ULK4: variants seen among roughly 807,000 people sequenced by gnomAD.
ULK4 encodes the protein inactive serine/threonine-protein kinase ULK4.
ULK4 carries 133 observed loss-of-function variants against 160.6 expected under a neutral mutation model. That is an observed-to-expected ratio of 0.83 (90% CI 0.72 to 0.96). The LOEUF (loss-of-function observed/expected upper bound fraction) is 0.96, where lower values mean the gene tolerates loss of function less well. ULK4 is among the 40% of genes least tolerant of loss of function. ULK4 has a pLI of 0.00. For missense variants in ULK4, 1,580 were observed against 1,499.5 expected (o/e 1.05, Z -0.89); for synonymous variants, 534 against 539.8 (o/e 0.99, Z 0.15).
intron 11 of ULK4, 102 bp from the exon 12 acceptor site, chr3:41,908,043 TG>T: frequency 2.9e-6 from 2 of 686,672 alleles, no homozygotes; most frequent in Non-Finnish European, 4.4e-6. Flanking sequence ...TGGTAGAGTA[TG>T]ATGATTCCAT....
Position 41,615,673 on chromosome 3 carries a change from G to A in ULK4, c.3116C>T (p.Thr1039Ile). ...AATGCACATTTCCGTTCTTACCAGA[G>A]TTACTTCAAAAATGAGTGGGATCAG... ...SKLIPLIFEV[T>I]LEHQESILGN... is the part of the protein sequence containing the mutation. Residue 1039 changes from threonine to isoleucine, a missense_variant, in exon 31 of 37, where the codon ACT becomes ATT. By Grantham distance (89) the Thr-to-Ile change is moderately conservative (BLOSUM62 -1). Transcript: ENST00000301831. The A allele has an allele frequency of 1.9e-6, 3 of 1,612,830 alleles. No individual in the cohort carries two copies. The highest frequency in any genetic ancestry group is 2.5e-6 in the Non-Finnish European group (3 of 1,179,500).
chr3:41,617,104 GGGGCTTA>G (rs1232772298), intron 30 of ULK4, among the ~76,000 whole-genome samples: 2 of 152,220 alleles, frequency 1.3e-5, no homozygotes, highest in Admixed American at 1.3e-4. Context: ...GCCCAAGTCA[GGGGCTTA>G]CAGACAAAAC....
intron 30 of ULK4, among the ~76,000 whole-genome samples, chr3:41,626,584 G>C (rs1375542901): frequency 6.7e-6 from 1 of 149,080 alleles, no homozygotes; most frequent in Non-Finnish European, 1.5e-5. Context: ...GGAGTGCAGT[G>C]GTGCAATCTC....
chr3:41,881,804 G>A (rs1328327220), intron 17 of ULK4, among the ~76,000 whole-genome samples: 2 of 152,086 alleles, frequency 1.3e-5, no homozygotes, highest in South Asian at 2.1e-4. Flanking sequence ...CAAGAACCTC[G>A]GGAATTAACA....
At chr3:41,770,634 C>T (rs1168040650) in intron 21 of ULK4, among the ~76,000 whole-genome samples, 2 of 151,970 alleles carry the variant, frequency 1.3e-5, no homozygotes, top group East Asian at 1.9e-4. Context: ...CCTCACCCTC[C>T]CAAGTAGCTG....
At chr3:41,680,215 T>C (rs779423550) in intron 29 of ULK4, among the ~76,000 whole-genome samples, 25 of 152,200 alleles carry the variant, frequency 1.6e-4, no homozygotes, top group Non-Finnish European at 3.7e-4. Flanking sequence ...ATATAACAAA[T>C]GTAACTGAAA....
chr3:41,393,527 C>A (rs980329428), intron 35 of ULK4, among the ~76,000 whole-genome samples: 5 of 152,162 alleles, frequency 3.3e-5, no homozygotes, highest in Non-Finnish European at 5.9e-5. Context: ...GTCTTGCCAA[C>A]TTCCTCCCCA....
chr3:41,616,278 C>A lies in ULK4; in HGVS notation c.3072-561G>T, dbSNP rs147885406. Among the ~76,000 whole-genome samples the A allele has an allele frequency of 3.0e-4, 45 of 152,184 alleles. 1 individual carries two copies. In the East Asian group the frequency reaches 7.9e-3, roughly 27 times the overall value. ...AATTTTTTCATAAAAGAGAAAACAGCCTTGGTAAAACCTAAATCATTCAAA... is the reference window on the plus strand; with the variant it reads ...AATTTTTTCATAAAAGAGAAAACAGACTTGGTAAAACCTAAATCATTCAAA... On this transcript the variant is annotated intron_variant, in intron 30 of 36. Transcript: ENST00000301831.
intron 35 of ULK4, among the ~76,000 whole-genome samples, chr3:41,346,081 C>T (rs772077306): frequency 9.9e-5 from 15 of 152,046 alleles, no homozygotes; most frequent in Non-Finnish European, 1.8e-4. Flanking sequence ...AGAGAGATAA[C>T]GCAGAAGTCA....
At chr3:41,538,479 C>T (rs1465074728) in intron 32 of ULK4, among the ~76,000 whole-genome samples, 1 of 152,112 alleles carries the variant, frequency 6.6e-6, no homozygotes, top group Non-Finnish European at 1.5e-5. Flanking sequence ...CATGACTTTT[C>T]TCTGCTTCTT....
At chr3:41,581,138 GA>G (rs200891995) in intron 31 of ULK4, among the ~76,000 whole-genome samples, 4 of 150,890 alleles carry the variant, frequency 2.7e-5, no homozygotes, top group Non-Finnish European at 5.9e-5. Flanking sequence ...CATATAGCAA[GA>G]AAAAAAAATC....
chr3:41,415,074 C>T (rs914677558), intron 34 of ULK4, among the ~76,000 whole-genome samples: 4 of 152,324 alleles, frequency 2.6e-5, no homozygotes, highest in Non-Finnish European at 4.4e-5. Flanking sequence ...ATTAACTTTC[C>T]TAAGGCTCTT....
chr3:41,618,692 G>A (rs1044673729), intron 30 of ULK4, among the ~76,000 whole-genome samples: 3 of 152,108 alleles, frequency 2.0e-5, no homozygotes, highest in African/African-American at 7.2e-5. Context: ...AAAGACCAAT[G>A]ACACTATGAA....
intron 17 of ULK4, among the ~76,000 whole-genome samples, chr3:41,875,578 G>A (rs531372525): frequency 6.6e-6 from 1 of 152,106 alleles, no homozygotes; most frequent in Non-Finnish European, 1.5e-5. Context: ...CTATGATTGT[G>A]CCACTGTAGT....
At chr3:41,557,534 G>A (rs1467537533) in intron 32 of ULK4, among the ~76,000 whole-genome samples, 1 of 151,876 alleles carries the variant, frequency 6.6e-6, no homozygotes, top group Non-Finnish European at 1.5e-5. Context: ...GGAAGTCCGA[G>A]GTGGAAAGAT....
chr3:41,900,736 C>G lies in ULK4; in HGVS notation c.1276G>C (p.Asp426His), dbSNP rs1461023306. Residue 426 changes from aspartate to histidine, a missense_variant, in exon 13 of 37, where the codon GAC (aspartate) becomes CAC (histidine). By Grantham distance (81) the Asp-to-His change is moderately conservative. Transcript: ENST00000301831. ...GTGTCTTTCTGCACCTTTGGATTGT[C>G]GATAATGGGGGTGACAACAAGATCT... Reference protein sequence around the residue: ...DSDLVVTPIIDNPKIMKQPPV... With the variant: ...DSDLVVTPIIHNPKIMKQPPV... 1 of 1,613,184 alleles carries G rather than the reference C, an allele frequency of 6.2e-7. No individual in the cohort carries two copies. Among genetic ancestry groups the G allele is most frequent in the Non-Finnish European group, 8.5e-7 (1 of 1,179,524 alleles).
chr3:41,825,849 C>A (rs527309747), intron 18 of ULK4, among the ~76,000 whole-genome samples: 1 of 152,266 alleles, frequency 6.6e-6, no homozygotes, highest in Admixed American at 6.5e-5. Flanking sequence ...CTCCAAGACA[C>A]ATAATTGTCA....
chr3:41,315,431 G>A (rs1358529370), intron 35 of ULK4, among the ~76,000 whole-genome samples: 1 of 152,154 alleles, frequency 6.6e-6, no homozygotes, highest in African/African-American at 2.4e-5. Context: ...GGTGGCGTGA[G>A]AAGCTACAAA....
At chr3:41,371,694 T>C (rs2081370741) in intron 35 of ULK4, among the ~76,000 whole-genome samples, 1 of 151,468 alleles carries the variant, frequency 6.6e-6, no homozygotes, top group South Asian at 2.1e-4. Flanking sequence ...TGAGGAAAAA[T>C]CAGCGCAAAA....
Sources: allele counts gnomAD v4.1 joint callset (sites outside exome capture counted in the v4.1 genomes callset), GRCh38; gene constraint gnomAD v4.1.1; transcripts MANE v1.5; gene names NCBI Gene and HGNC (gene_info 2026-07-23, HGNC 2026-07-21).